Variants in KPTN observed in about 807,000 individuals in gnomAD.
KPTN encodes the protein KICSTOR complex protein kaptin.
In KPTN, 36 loss-of-function variants were observed where a neutral mutation model predicts 52.6. That is an observed-to-expected ratio of 0.68 (90% CI 0.52 to 0.90). The LOEUF is 0.90. Ranked by LOEUF, KPTN falls within the 40% of genes least tolerant of loss-of-function variation. The pLI is 0.00. For missense variants in KPTN, 529 were observed against 576.2 expected (o/e 0.92, Z 0.84); for synonymous variants, 271 against 248.4 (o/e 1.09, Z -0.85).
upstream of KPTN, chr19:47,484,266 G>A (rs1004026888): frequency 2.9e-6 from 4 of 1,359,682 alleles, no homozygotes; most frequent in Admixed American, 1.1e-4. Flanking sequence ...CGTTGCGCGG[G>A]CTGATGACGT....
chr19:47,475,272 T>A lies in KPTN; in HGVS notation c.*144A>T, dbSNP rs1967622787. The stretch of plus-strand genomic sequence containing the variant: ...ATTGACGTACAGAGAGAGGAGTGGG[T>A]TAGCTGGGGCCCCAGGGCACAGCTT... On this transcript the variant is annotated 3_prime_UTR_variant, in exon 12 of 12. Coordinates refer to ENST00000338134, the MANE Select transcript of KPTN (RefSeq NM_007059.4). 1 of 835,822 alleles carries A rather than the reference T, an allele frequency of 1.2e-6. No homozygotes were observed. Among genetic ancestry groups the A allele is most frequent in the Non-Finnish European group, 1.8e-6 (1 of 553,396 alleles). The allele number at this position is 835,822 out of a possible 1,614,324, so 51.8% of individuals were successfully genotyped here.
intron 8 of KPTN, 97 bp downstream of exon 8, chr19:47,479,766 G>A: frequency 1.0e-6 from 1 of 962,946 alleles, no homozygotes; most frequent in South Asian, 1.4e-5. Flanking sequence ...CACACTTTGG[G>A]AGAGGGGTGC....
chr19:47,480,211 C>G (rs1200801045), intron 7 of KPTN, 87 bp downstream of exon 7: 3 of 819,860 alleles, frequency 3.7e-6, no homozygotes, highest in African/African-American at 3.7e-5. Context: ...CTCCCCTACC[C>G]CACCCAGCTC....
Position 47,483,548 on chromosome 19 carries a change from T to C in KPTN, c.263A>G (p.Lys88Arg), listed in dbSNP as rs2122702357. ...AEIVSIDTFN[K>R]SPPKRGLVVG... ...AACCAGACCCCGCTTGGGGGGTGAC[T>C]TGTTGAAAGTGTCGATGGAGACAAT... is the stretch of plus-strand genomic sequence containing the variant. The change falls in exon 2 of 12, where the codon AAG becomes AGG. Residue 88 changes from lysine (K) to arginine (R), a missense_variant. Lys to Arg is a conservative substitution (Grantham distance 26, BLOSUM62 2). Coordinates refer to ENST00000338134, the MANE Select transcript of KPTN (RefSeq NM_007059.4). The C allele has an allele frequency of 6.4e-7, 1 of 1,574,034 alleles. No homozygotes were observed. The highest frequency in any genetic ancestry group is 2.4e-5 in the East Asian group (1 of 42,484).
chr19:47,479,813 C>G, intron 8 of KPTN, 50 bp downstream of exon 8: 3 of 1,488,590 alleles, frequency 2.0e-6, no homozygotes, highest in Non-Finnish European at 2.8e-6. Context: ...GCAGAGTTGC[C>G]TCTTCCCTCC....
In KPTN at chr19:47,483,297, GC is replaced by G. The variant is rs1967952850; in HGVS notation, c.391del (p.Ala131ProfsTer5). 1 of 1,613,950 alleles carries G rather than the reference GC, an allele frequency of 6.2e-7. No homozygotes were observed. Among genetic ancestry groups the G allele is most frequent in the Non-Finnish European group, 8.5e-7 (1 of 1,179,926 alleles). On this transcript the variant is annotated frameshift_variant, in exon 3 of 12. Coordinates refer to ENST00000338134, the MANE Select transcript of KPTN (RefSeq NM_007059.4). LOFTEE classifies it high-confidence loss of function. ...CCTCCCGTCCACGCCTCACTCACGGGCAATAGAGTCAAGGTTGTACTCAGAG... is the reference window on the plus strand; with the variant it reads ...CCTCCCGTCCACGCCTCACTCACGGGAATAGAGTCAAGGTTGTACTCAGAG... ...PGSEYNLDSI[A>X]QSCLNLELQF... is the part of the protein sequence containing the mutation.
chr19:47,485,001 A>G (rs1026349983), upstream of KPTN, among the ~76,000 whole-genome samples: 2 of 152,040 alleles, frequency 1.3e-5, no homozygotes, highest in African/African-American at 4.8e-5. Flanking sequence ...TGCCCGGCCT[A>G]TAGTTCATAA....
At chr19:47,483,800 G>T in intron 1 of KPTN, 135 bp downstream of exon 1, 1 of 1,264,608 alleles carries the variant, frequency 7.9e-7, no homozygotes, top group Non-Finnish European at 1.1e-6. Flanking sequence ...ATGCCTGCCC[G>T]CTGATCCCAG....
At chr19:47,480,008 G>A in intron 7 of KPTN, 68 bp from the exon 8 acceptor site, 1 of 1,212,718 alleles carries the variant, frequency 8.2e-7, no homozygotes, top group Non-Finnish European at 1.1e-6. Context: ...TGAAACCATC[G>A]ACTTTCCGCC....
chr19:47,482,670 G>A (rs1396963342), intron 4 of KPTN, among the ~76,000 whole-genome samples: 1 of 151,902 alleles, frequency 6.6e-6, no homozygotes, highest in Non-Finnish European at 1.5e-5. Context: ...TGACCTCTCT[G>A]GTCCCCAAAG....
At chr19:47,483,848 A>T in intron 1 of KPTN, 87 bp downstream of exon 1, 1 of 1,555,446 alleles carries the variant, frequency 6.4e-7, no homozygotes, top group Non-Finnish European at 8.7e-7. Flanking sequence ...TTCTTCCAGC[A>T]CGGTGACCCG....
intron 4 of KPTN, chr19:47,481,511 T>G (rs141975739): frequency 6.4e-6 from 1 of 156,840 alleles, no homozygotes; most frequent in Admixed American, 6.2e-5. Context: ...CACGGAATGA[T>G]AGAATATCCA....
intron 1 of KPTN, 62 bp from the exon 2 acceptor site, chr19:47,483,646 T>C (rs1302669018): frequency 3.2e-6 from 4 of 1,241,632 alleles, no homozygotes; most frequent in Non-Finnish European, 4.6e-6. Context: ...CTCCCCAACA[T>C]GGTGAGCTCT....
chr19:47,479,909 G>T lies in KPTN; in HGVS notation c.741C>A (p.Asp247Glu). 6.2e-7 allele frequency: 1 copy of T among 1,612,516 alleles called. No homozygotes were observed. The highest frequency in any genetic ancestry group is 8.5e-7 in the Non-Finnish European group (1 of 1,179,068). Residue 247 changes from aspartate (D) to glutamate (E), a missense_variant, in exon 8 of 12, where the codon GAC becomes GAA. By Grantham distance (45) the Asp-to-Glu change is conservative (BLOSUM62 2). Transcript: ENST00000338134. ...ACACAATCACTCGGGAGATGGGACC[G>T]TCCTGCAGGACCGACCACATCTGCA... Reference protein sequence around the residue: ...EVLQMWSVLQDGPISRVIVFS... With the variant: ...EVLQMWSVLQEGPISRVIVFS...
chr19:47,477,605 G>A, intron 9 of KPTN, 101 bp downstream of exon 9: 1 of 892,852 alleles, frequency 1.1e-6, no homozygotes, highest in African/African-American at 1.6e-5. Context: ...TCCAGCTCTG[G>A]GTAATCCACC....
intron 8 of KPTN, among the ~76,000 whole-genome samples, chr19:47,478,489 A>G (rs2122683307): frequency 6.7e-6 from 1 of 149,532 alleles, no homozygotes; most frequent in Non-Finnish European, 1.5e-5. Flanking sequence ...GAGGCAGGAG[A>G]ATTGCTTGAA....
Position 47,483,163 on chromosome 19 carries a change from C to T in KPTN, c.447G>A (p.Ala149=), listed in dbSNP as rs138039511. 5.3e-5 allele frequency: 85 copies of T among 1,613,890 alleles called. No individual in the cohort carries two copies. The Admixed American group carries it at 8.8e-4, about 17-fold the overall frequency. Residue 149 remains alanine (A), a splice_region_variant and synonymous_variant, in exon 4 of 12, where the codon GCG becomes GCA. Coordinates refer to ENST00000338134, the MANE Select transcript of KPTN (RefSeq NM_007059.4). ...LQFTPFQLCH[A]EVQVGDQLET... is the part of the protein sequence containing the mutation. The stretch of plus-strand genomic sequence containing the variant: ...GTCGATGCGCAGGGGACACTCACTC[C>T]GCATGGCACAGCTGGAACGGAGTGA...
chr19:47,475,638 G>A (rs376045989), intron 11 of KPTN, 94 bp from the exon 12 acceptor site: 4 of 1,480,096 alleles, frequency 2.7e-6, no homozygotes, highest in African/African-American at 1.4e-5. Context: ...CAAAGGCCAG[G>A]AGCTCGGCCC....
intron 4 of KPTN, 22 bp from the exon 5 acceptor site, chr19:47,481,055 A>G (rs201167198): frequency 1.3e-6 from 2 of 1,557,020 alleles, no homozygotes; most frequent in South Asian, 1.2e-5. Flanking sequence ...GAAATCTAGA[A>G]CCCAAGGTAG....
Sources: gnomAD v4.1 joint callset for allele counts (sites outside exome capture counted in the v4.1 genomes callset) on GRCh38, gnomAD v4.1.1 for gene constraint, MANE v1.5 for transcripts, NCBI Gene and HGNC (gene_info 2026-07-23, HGNC 2026-07-21) for gene names.